Variants in FAF1 observed in about 807,000 individuals in gnomAD.
FAF1 encodes Fas associated factor 1, also known as FAS-associated factor 1.
In FAF1, 25 loss-of-function variants were observed where a neutral mutation model predicts 92.5. The ratio of observed to expected loss-of-function variants is 0.27; its 90% CI spans 0.20 to 0.38. The LOEUF (loss-of-function observed/expected upper bound fraction) is 0.38, where lower values mean the gene tolerates loss of function less well. FAF1 is among the 10% of genes least tolerant of loss of function. The pLI is 1.00. For missense variants in FAF1, 636 were observed against 793.3 expected, an observed-to-expected ratio of 0.80 and a Z score of 2.38; for synonymous variants, 234 against 273.2, an observed-to-expected ratio of 0.86 and a Z score of 1.42.
intron 8 of FAF1, among the ~76,000 whole-genome samples, chr1:50,628,948 A>T (rs1159717417): frequency 6.6e-6 from 1 of 152,194 alleles, no homozygotes; most frequent in Non-Finnish European, 1.5e-5. Context: ...TTATGTGGTC[A>T]TATCAATATA....
intron 13 of FAF1, among the ~76,000 whole-genome samples, chr1:50,561,718 C>G (rs570490226): frequency 6.6e-6 from 1 of 151,934 alleles, no homozygotes; most frequent in African/African-American, 2.4e-5. Context: ...TCCAGCTACT[C>G]GGGAGGCTGA....
In FAF1 at chr1:50,492,573, A is replaced by G. The variant is rs144672946; in HGVS notation, c.1495-772T>C. ...TTATATTCAGAAGTATAGCCAATAT[A>G]CATATACTTAGCTTTAATAATAAAT... On this transcript the variant is annotated intron_variant, in intron 15 of 18. Transcript: ENST00000396153. Among the ~76,000 whole-genome samples, 62 of 152,350 alleles carry G rather than the reference A, an allele frequency of 4.1e-4. No individual in the cohort carries two copies. In the East Asian group the frequency reaches 5.8e-3, roughly 14 times the overall value.
In FAF1 at chr1:50,437,912, A is replaced by G. The variant is rs1646140284; in HGVS notation, c.*3528T>C. The G allele has an allele frequency of 6.7e-6, 1 of 149,780 alleles. No individual in the cohort carries two copies. The highest frequency in any genetic ancestry group is 1.5e-5 in the Non-Finnish European group (1 of 67,798). 9.3% of individuals were successfully genotyped at this position (149,780 alleles called of 1,614,324 possible). ...GTGGCACATGCCTGTAATCCCAGCT[A>G]CTTGAGAGGCTGAGGCAGGAGAACT... On this transcript the variant is annotated 3_prime_UTR_variant, in exon 19 of 19. Transcript: ENST00000396153.
At chr1:50,688,546 C>T (rs1017065005) in intron 7 of FAF1, among the ~76,000 whole-genome samples, 2 of 152,212 alleles carry the variant, frequency 1.3e-5, no homozygotes, top group Non-Finnish European at 2.9e-5. Flanking sequence ...GGCGCGGTGG[C>T]TCACGCCTGT....
intron 4 of FAF1, among the ~76,000 whole-genome samples, chr1:50,779,991 G>GACAGACAGACAGACACACACACAC (rs369288416): frequency 6.9e-6 from 1 of 145,440 alleles, no homozygotes; most frequent in African/African-American, 2.5e-5. Flanking sequence ...CAGACAGACA[G>GACAGACAGACAGACACACACACAC]ACACACACAC....
rs533056212 is a variant in FAF1, at chr1:50,738,443, C to CAA, written c.551+418_551+419dup. On this transcript the variant is annotated intron_variant, in intron 6 of 18. Transcript: ENST00000396153. ...GGGCAACAAGAGTGAAACTCCGTCG[C>CAA]AAAAAAAAAAAAAAAAAAAAATTAT... Among the ~76,000 whole-genome samples, 571 of 78,672 alleles carry CAA rather than the reference C, an allele frequency of 7.3e-3. 3 individuals carry two copies. The highest frequency in any genetic ancestry group is 0.03 in the South Asian group (57 of 1,898). 51.6% of individuals were successfully genotyped at this position (78,672 alleles called of 152,430 possible). A position where few individuals can be genotyped will look rare whatever the true frequency, so the allele number is the denominator to read the frequency against.
intron 3 of FAF1, among the ~76,000 whole-genome samples, chr1:50,792,288 C>T (rs1042470753): frequency 6.6e-6 from 1 of 152,196 alleles, no homozygotes; most frequent in Non-Finnish European, 1.5e-5. Context: ...AGGTACAACT[C>T]TGCCAAGAAT....
intron 1 of FAF1, among the ~76,000 whole-genome samples, chr1:50,944,981 CTTTCTAA>C (rs1645162708): frequency 6.7e-6 from 1 of 148,830 alleles, no homozygotes; most frequent in African/African-American, 2.5e-5. Flanking sequence ...GCAAAACTGG[CTTTCTAA>C]TAAGTAAGGT....
chr1:50,847,887 A>G (rs549005984), intron 2 of FAF1, among the ~76,000 whole-genome samples: 1 of 151,564 alleles, frequency 6.6e-6, no homozygotes, highest in African/African-American at 2.4e-5. Flanking sequence ...ATGCACACAT[A>G]TACACACACA....
chr1:50,553,915 T>C (rs548214974), intron 13 of FAF1, among the ~76,000 whole-genome samples: 22 of 151,646 alleles, frequency 1.5e-4, no homozygotes, highest in Non-Finnish European at 2.8e-4. Context: ...AAAAAAGCTA[T>C]CTTTTGAAGC....
intron 7 of FAF1, among the ~76,000 whole-genome samples, chr1:50,704,189 G>A (rs1657583359): frequency 6.6e-6 from 1 of 152,048 alleles, no homozygotes; most frequent in Non-Finnish European, 1.5e-5. Flanking sequence ...TGAAAACACT[G>A]AATAGCATTT....
intron 15 of FAF1, among the ~76,000 whole-genome samples, chr1:50,512,124 A>G (rs1016880322): frequency 6.6e-6 from 1 of 152,088 alleles, no homozygotes; most frequent in African/African-American, 2.4e-5. Flanking sequence ...AGTTCTTTGT[A>G]GATTCTGGTA....
intron 7 of FAF1, among the ~76,000 whole-genome samples, chr1:50,677,960 C>T (rs201114342): frequency 6.6e-6 from 1 of 151,110 alleles, no homozygotes. Context: ...TTGCCATCTT[C>T]CTTGTATTCT....
chr1:50,552,388 A>G (rs1423032150), intron 13 of FAF1, among the ~76,000 whole-genome samples: 1 of 152,130 alleles, frequency 6.6e-6, no homozygotes. Flanking sequence ...TAGAATTCCA[A>G]TCGTGGTCTG....
intron 15 of FAF1, among the ~76,000 whole-genome samples, chr1:50,518,416 T>C (rs1375091821): frequency 2.0e-5 from 3 of 152,088 alleles, no homozygotes; most frequent in Non-Finnish European, 4.4e-5. Flanking sequence ...CTTCAGCTTC[T>C]ATAAACACTC....
chr1:50,537,232 T>C (rs557038392), intron 14 of FAF1, among the ~76,000 whole-genome samples: 3 of 152,190 alleles, frequency 2.0e-5, no homozygotes, highest in South Asian at 4.1e-4. Context: ...TATAGTTGTA[T>C]AGGTTGACTA....
intron 9 of FAF1, among the ~76,000 whole-genome samples, chr1:50,595,744 T>C (rs1370200347): frequency 1.3e-5 from 2 of 152,088 alleles, no homozygotes; most frequent in Non-Finnish European, 1.5e-5. Flanking sequence ...GGTTTTACTA[T>C]GTTGGCCAGG....
At chr1:50,605,862 A>G (rs1489800442) in intron 8 of FAF1, among the ~76,000 whole-genome samples, 1 of 152,208 alleles carries the variant, frequency 6.6e-6, no homozygotes, top group Non-Finnish European at 1.5e-5. Flanking sequence ...AGTTACTCAG[A>G]GTTGATAACT....
At chr1:50,737,695 T>C (rs781089288) in intron 6 of FAF1, among the ~76,000 whole-genome samples, 8 of 152,186 alleles carry the variant, frequency 5.3e-5, no homozygotes, top group Non-Finnish European at 1.0e-4. Flanking sequence ...GACCATCCAA[T>C]ACAACTACAC....
Sources: allele counts gnomAD v4.1 joint callset (sites outside exome capture counted in the v4.1 genomes callset), GRCh38; gene constraint gnomAD v4.1.1; transcripts MANE v1.5; gene names NCBI Gene and HGNC (gene_info 2026-07-23, HGNC 2026-07-21).